LITAF: variants seen among roughly 807,000 people sequenced by gnomAD.
LITAF encodes lipopolysaccharide induced TNF factor, also known as lipopolysaccharide-induced tumor necrosis factor-alpha factor.
LITAF carries 9 observed loss-of-function variants against 14.5 expected under a neutral mutation model. The ratio of observed to expected loss-of-function variants is 0.62; its 90% CI spans 0.37 to 1.08. The LOEUF is 1.08. Ranked by LOEUF, LITAF falls within the 50% of genes least tolerant of loss-of-function variation. LITAF has a pLI of 0.01. For missense variants in LITAF, 206 were observed against 213.4 expected, an observed-to-expected ratio of 0.97 and a Z score of 0.22; for synonymous variants, 98 against 88.2, an observed-to-expected ratio of 1.11 and a Z score of -0.62.
intron 3 of LITAF, among the ~76,000 whole-genome samples, chr16:11,618,120 C>T (rs1445405655): frequency 6.6e-6 from 1 of 152,200 alleles, no homozygotes; most frequent in East Asian, 1.9e-4. Flanking sequence ...AAGTGATCCT[C>T]CCCAGTCAGC....
chr16:11,612,909 G>A (rs565986250), intron 3 of LITAF, among the ~76,000 whole-genome samples: 6 of 152,280 alleles, frequency 3.9e-5, no homozygotes, highest in African/African-American at 1.4e-4. Context: ...TGTCCCCCTA[G>A]AATCTTGACC....
At position 11,553,753 on chromosome 16, in the gene LITAF, A is replaced by G. The variant is rs759106383; in HGVS notation, c.221-64T>C. The G allele has an allele frequency of 1.3e-5, 21 of 1,575,926 alleles. No homozygotes were observed. Among genetic ancestry groups the G allele is most frequent in the Non-Finnish European group, 1.8e-5 (21 of 1,147,274 alleles). On this transcript the variant is annotated intron_variant, in intron 2 of 3. Coordinates refer to ENST00000622633, the MANE Select transcript of LITAF (RefSeq NM_001136472.2). This position sits in a 1 kb window ranked among gnomAD's most constrained non-coding sequence, Gnocchi z 7.7. Reference sequence around the variant, plus strand: ...AAACAAGGCCAATAGCATTCACTACAGGACAAAGAGAGGAACGCAGGGATG... The same window carrying G: ...AAACAAGGCCAATAGCATTCACTACGGGACAAAGAGAGGAACGCAGGGATG...
At chr16:11,637,027 C>T (rs960415457), upstream of LITAF, among the ~76,000 whole-genome samples, 4 of 151,882 alleles carry the variant, frequency 2.6e-5, no homozygotes, top group African/African-American at 9.7e-5. Flanking sequence ...ACACCACCAG[C>T]GTGCTCATCT....
upstream of LITAF, among the ~76,000 whole-genome samples, chr16:11,591,442 C>A (rs528014174): frequency 2.0e-5 from 3 of 151,614 alleles, 1 homozygote; most frequent in African/African-American, 7.3e-5. Context: ...ACCTCCACCT[C>A]CCAAAGTGCT....
upstream of LITAF, among the ~76,000 whole-genome samples, chr16:11,638,701 CAAA>C (rs57170972): frequency 4.9e-4 from 37 of 75,932 alleles, no homozygotes; most frequent in African/African-American, 1.2e-3. Flanking sequence ...GACTCTGTCT[CAAA>C]AAAAAAAAAA....
chr16:11,552,665 G>C (rs2064198710), intron 3 of LITAF, among the ~76,000 whole-genome samples: 1 of 152,250 alleles, frequency 6.6e-6, no homozygotes, highest in East Asian at 1.9e-4. Context: ...CAATTTCTGG[G>C]GACGGATACG....
intron 1 of LITAF, among the ~76,000 whole-genome samples, chr16:11,579,842 A>C (rs1457566408): frequency 6.6e-6 from 1 of 152,232 alleles, no homozygotes; most frequent in Non-Finnish European, 1.5e-5. Flanking sequence ...GATGGGGCTC[A>C]GGACACACTA....
rs766801773 is a variant in LITAF, at chr16:11,616,911, C to CAAAAA, written c.85+16617_85+16621dup. Among the ~76,000 whole-genome samples the CAAAAA allele has an allele frequency of 1.6e-4, 13 of 83,070 alleles. 1 individual carries two copies. The highest frequency in any genetic ancestry group is 2.2e-4 in the African/African-American group (5 of 22,584). 54.5% of individuals were successfully genotyped at this position (83,070 alleles called of 152,430 possible). A position where few individuals can be genotyped will look rare whatever the true frequency, so the allele number is the denominator to read the frequency against. On this transcript the variant is annotated intron_variant, in intron 3 of 3. Transcript: ENST00000574848. Reference sequence around the variant, plus strand: ...TGGGAAAGAGAGCAAGACTCTATCTCAAAAAAAAAAAAAAAAAAAAGATGC... The same window carrying CAAAAA: ...TGGGAAAGAGAGCAAGACTCTATCTCAAAAAAAAAAAAAAAAAAAAAAAAAGATGC...
chr16:11,583,268 T>A (rs77434568), intron 1 of LITAF, among the ~76,000 whole-genome samples: 1,612 of 152,190 alleles, frequency 0.011, 17 homozygotes, highest in Middle Eastern at 0.051. Flanking sequence ...TAAAGCCAGG[T>A]TCAAGCATGG....
chr16:11,624,995 A>C (rs566456763), intron 3 of LITAF, among the ~76,000 whole-genome samples: 1 of 152,192 alleles, frequency 6.6e-6, no homozygotes, highest in Admixed American at 6.5e-5. Context: ...CGTGAAGGAG[A>C]CCCAAGGTGC....
upstream of LITAF, among the ~76,000 whole-genome samples, chr16:11,591,583 G>A (rs1358633885): frequency 9.4e-5 from 5 of 53,310 alleles, no homozygotes; most frequent in Non-Finnish European, 1.7e-4. Flanking sequence ...ATAAAATTGG[G>A]AGTCTACATA....
chr16:11,593,216 C>T (rs2064858665), intron 1 of LITAF, among the ~76,000 whole-genome samples: 1 of 151,570 alleles, frequency 6.6e-6, no homozygotes, highest in Non-Finnish European at 1.5e-5. Flanking sequence ...ATTAGCCGGG[C>T]ATGGTGGCAG....
intron 1 of LITAF, among the ~76,000 whole-genome samples, chr16:11,559,710 C>T (rs887436374): frequency 6.6e-6 from 1 of 151,122 alleles, no homozygotes; most frequent in African/African-American, 2.4e-5. Flanking sequence ...AATGTGGCTA[C>T]TAGGCCGGGC....
At chr16:11,622,555 C>T (rs768874552) in intron 3 of LITAF, among the ~76,000 whole-genome samples, 2 of 152,222 alleles carry the variant, frequency 1.3e-5, no homozygotes, top group African/African-American at 2.4e-5. Context: ...TACACAACCC[C>T]CTTCTTTCCT....
At chr16:11,630,487 C>T (rs977716559) in intron 3 of LITAF, among the ~76,000 whole-genome samples, 4 of 152,076 alleles carry the variant, frequency 2.6e-5, no homozygotes, top group African/African-American at 9.7e-5. Flanking sequence ...GCCCCGCCTG[C>T]TCCAGGCACA....
chr16:11,551,378 G>T (rs2064179768), intron 3 of LITAF, among the ~76,000 whole-genome samples: 1 of 152,172 alleles, frequency 6.6e-6, no homozygotes, highest in Admixed American at 6.5e-5. Context: ...CCCGTCTACA[G>T]ATGGGGAAAC....
intron 3 of LITAF, among the ~76,000 whole-genome samples, chr16:11,609,207 GA>G (rs1482188227): frequency 1.3e-5 from 2 of 150,704 alleles, no homozygotes; most frequent in African/African-American, 4.9e-5. Flanking sequence ...TTGAATAGTA[GA>G]CTTTTTTTTT....
upstream of LITAF, among the ~76,000 whole-genome samples, chr16:11,588,883 C>T (rs1334687916): frequency 6.6e-6 from 1 of 151,968 alleles, no homozygotes; most frequent in East Asian, 1.9e-4. Flanking sequence ...TTCCTCCCTT[C>T]CTCCTTTCCT....
At chr16:11,576,099 G>A (rs1425333005) in intron 1 of LITAF, among the ~76,000 whole-genome samples, 2 of 152,130 alleles carry the variant, frequency 1.3e-5, no homozygotes, top group African/African-American at 4.8e-5. Context: ...ATGTTGCCCA[G>A]GCTGGCCTCA....
Sources: allele counts gnomAD v4.1 joint callset (sites outside exome capture counted in the v4.1 genomes callset), GRCh38; gene constraint gnomAD v4.1.1; non-coding constraint Gnocchi (gnomAD v3.1); transcripts MANE v1.5; gene names NCBI Gene and HGNC (gene_info 2026-07-23, HGNC 2026-07-21).